Variants in ZNF385D observed in about 807,000 individuals in gnomAD.
ZNF385D encodes the protein zinc finger protein 385D.
In ZNF385D, 15 loss-of-function variants were observed where a neutral mutation model predicts 35.8. That is an observed-to-expected ratio of 0.42 (90% confidence interval 0.28 to 0.64). The LOEUF (loss-of-function observed/expected upper bound fraction) is 0.64. Among genes scored for constraint, ZNF385D ranks in the 30% least tolerant of loss-of-function variants. The pLI is 0.23. For synonymous variants in ZNF385D, 212 were observed against 186.8 expected, an observed-to-expected ratio of 1.13 and a Z score of -1.10; for missense variants, 474 against 494.6, an observed-to-expected ratio of 0.96 and a Z score of 0.39.
intron 3 of ZNF385D, among the ~76,000 whole-genome samples, chr3:21,870,998 A>T (rs1217851249): frequency 6.6e-6 from 1 of 152,256 alleles, no homozygotes; most frequent in East Asian, 1.9e-4. Flanking sequence ...CATGCCACTT[A>T]TCTGCTAAAA....
intron 2 of ZNF385D, among the ~76,000 whole-genome samples, chr3:22,227,619 T>A (rs555178764): frequency 1.3e-5 from 2 of 152,168 alleles, no homozygotes; most frequent in South Asian, 4.1e-4. Context: ...CCAGACCAGA[T>A]TGAGGACTAG....
chr3:22,029,062 A>G (rs959862317), intron 3 of ZNF385D, among the ~76,000 whole-genome samples: 1 of 152,156 alleles, frequency 6.6e-6, no homozygotes, highest in African/African-American at 2.4e-5. Context: ...TTCCCGTGAC[A>G]TTACATTCTG....
intron 3 of ZNF385D, among the ~76,000 whole-genome samples, chr3:21,553,667 CACTAGT>C (rs1223864819): frequency 6.6e-6 from 1 of 152,146 alleles, no homozygotes; most frequent in African/African-American, 2.4e-5. Flanking sequence ...ATTTTATACA[CACTAGT>C]ACTGCTTTCA....
chr3:21,425,475 G>A lies in ZNF385D; in HGVS notation c.852+17C>T. 1 of 1,566,474 alleles carries A rather than the reference G, an allele frequency of 6.4e-7. No individual in the cohort carries two copies. The highest frequency in any genetic ancestry group is 1.2e-5 in the South Asian group (1 of 84,242). On this transcript the variant is annotated intron_variant, in intron 6 of 7. Coordinates refer to ENST00000281523, the MANE Select transcript of ZNF385D (RefSeq NM_024697.3). Reference sequence around the variant, plus strand: ...TGTCCCTTGTTGGTTTTCATTCCTAGAATACGTGCTGTTTACCTGTTTAAG... The same window carrying A: ...TGTCCCTTGTTGGTTTTCATTCCTAAAATACGTGCTGTTTACCTGTTTAAG...
At chr3:22,205,712 T>A (rs554755609) in intron 2 of ZNF385D, among the ~76,000 whole-genome samples, 1 of 151,998 alleles carries the variant, frequency 6.6e-6, no homozygotes, top group Non-Finnish European at 1.5e-5. Context: ...AAGATATTAT[T>A]TGCAAGCCCC....
chr3:22,092,373 C>T lies in ZNF385D; in HGVS notation c.325+76444G>A, dbSNP rs147399268. 1.4e-3 allele frequency among the ~76,000 whole-genome samples: 212 copies of T among 152,278 alleles called. 1 individual carries two copies. The highest frequency in any genetic ancestry group is 4.9e-3 in the African/African-American group (203 of 41,562). On this transcript the variant is annotated intron_variant, in intron 3 of 5. Coordinates refer to the ZNF385D transcript ENST00000494108. The stretch of plus-strand genomic sequence containing the variant: ...TCTACAAAGCCTGTCCAGCCACATC[C>T]ACAGCTTTTGCAGGGCCAGCTCCAG...
At chr3:22,299,527 T>C (rs1702782557) in intron 2 of ZNF385D, among the ~76,000 whole-genome samples, 1 of 151,866 alleles carries the variant, frequency 6.6e-6, no homozygotes, top group Non-Finnish European at 1.5e-5. Flanking sequence ...AATTGGATAG[T>C]AAGAAGTTCC....
At chr3:21,967,795 G>A (rs974842958) in intron 3 of ZNF385D, among the ~76,000 whole-genome samples, 5 of 152,194 alleles carry the variant, frequency 3.3e-5, no homozygotes, top group African/African-American at 1.2e-4. Flanking sequence ...AAAAGAGATT[G>A]GGAGGAAGTT....
Position 21,741,107 on chromosome 3 carries a change from T to A in ZNF385D, c.22+9788A>T, listed in dbSNP as rs142145195. On this transcript the variant is annotated intron_variant, in intron 1 of 7. Coordinates refer to ENST00000281523, the MANE Select transcript of ZNF385D (RefSeq NM_024697.3). ...TCTTCTTCTGTGAGCAGTGGCCACA[T>A]CACCTGTTATCACCTATCGGCATCA... Among the ~76,000 whole-genome samples the A allele has an allele frequency of 9.2e-5, 14 of 152,240 alleles. No homozygotes were observed. In the East Asian group the frequency reaches 2.7e-3, roughly 29 times the overall value.
intron 3 of ZNF385D, among the ~76,000 whole-genome samples, chr3:21,523,898 A>G (rs1708064613): frequency 1.3e-5 from 2 of 152,212 alleles, no homozygotes; most frequent in Non-Finnish European, 2.9e-5. Flanking sequence ...TAAAAGGATC[A>G]TTATAGCTGC....
At chr3:21,981,747 T>G (rs893323759) in intron 3 of ZNF385D, among the ~76,000 whole-genome samples, 4 of 152,156 alleles carry the variant, frequency 2.6e-5, no homozygotes, top group African/African-American at 7.2e-5. Context: ...GTGTATGGTG[T>G]ATGGAAGGAG....
At chr3:21,983,037 T>G (rs1404895508) in intron 3 of ZNF385D, among the ~76,000 whole-genome samples, 1 of 151,968 alleles carries the variant, frequency 6.6e-6, no homozygotes, top group Non-Finnish European at 1.5e-5. Flanking sequence ...TCAAGGATAT[T>G]GGGCTGAAGT....
At chr3:22,251,830 A>C (rs575489622) in intron 2 of ZNF385D, among the ~76,000 whole-genome samples, 30 of 152,210 alleles carry the variant, frequency 2.0e-4, no homozygotes, top group African/African-American at 7.0e-4. Context: ...GGTTCACTTC[A>C]GTCACTGAGT....
Position 21,732,019 on chromosome 3 carries a change from C to T in ZNF385D, c.22+18876G>A, listed in dbSNP as rs373929619. Among the ~76,000 whole-genome samples the T allele has an allele frequency of 9.2e-4, 54 of 58,630 alleles. 3 individuals carry two copies. Among genetic ancestry groups the T allele is most frequent in the Admixed American group, 1.5e-3 (10 of 6,840 alleles). The allele number at this position is 58,630 out of a possible 152,430, so 38.5% of individuals were successfully genotyped here. Reference sequence around the variant, plus strand: ...TAAAGCTTCTATTCAGGGTTTTTTTCTTTTTTCGGGGTTTTTTTTTTTTTT... The same window carrying T: ...TAAAGCTTCTATTCAGGGTTTTTTTTTTTTTTCGGGGTTTTTTTTTTTTTT... On this transcript the variant is annotated intron_variant, in intron 1 of 7. Transcript: ENST00000281523.
intron 3 of ZNF385D, among the ~76,000 whole-genome samples, chr3:22,065,588 G>C (rs887491802): frequency 1.3e-5 from 2 of 152,154 alleles, no homozygotes; most frequent in Non-Finnish European, 2.9e-5. Context: ...ATTGGGCATG[G>C]TGAAAAGATC....
intron 2 of ZNF385D, among the ~76,000 whole-genome samples, chr3:22,345,145 A>T (rs1695600091): frequency 6.6e-6 from 1 of 152,190 alleles, no homozygotes; most frequent in Non-Finnish European, 1.5e-5. Flanking sequence ...AATAACAATA[A>T]TAATGCAAAC....
chr3:21,517,272 G>A (rs530064482), intron 3 of ZNF385D, among the ~76,000 whole-genome samples: 6 of 152,140 alleles, frequency 3.9e-5, no homozygotes, highest in African/African-American at 1.4e-4. Flanking sequence ...CCTGAGACTT[G>A]GCAAGTAAGT....
At chr3:22,000,355 G>A (rs964369300) in intron 3 of ZNF385D, among the ~76,000 whole-genome samples, 1 of 151,902 alleles carries the variant, frequency 6.6e-6, no homozygotes, top group Non-Finnish European at 1.5e-5. Context: ...CCGTCAAAGT[G>A]ACCTCTGGTC....
At chr3:21,666,640 G>A (rs1236845939) in intron 1 of ZNF385D, among the ~76,000 whole-genome samples, 4 of 152,186 alleles carry the variant, frequency 2.6e-5, no homozygotes, top group African/African-American at 9.7e-5. Flanking sequence ...AGTGTATTGA[G>A]TGTGAGTGTG....
Sources: gnomAD v4.1 joint callset for allele counts (sites outside exome capture counted in the v4.1 genomes callset) on GRCh38, gnomAD v4.1.1 for gene constraint, MANE v1.5 for transcripts, NCBI Gene and HGNC (gene_info 2026-07-23, HGNC 2026-07-21) for gene names.